DGKD: variants seen among roughly 807,000 people sequenced by gnomAD.
DGKD encodes diacylglycerol kinase delta.
DGKD carries 68 observed loss-of-function variants against 154.4 expected under a neutral mutation model. The observed-to-expected ratio is 0.44, with a 90% CI of 0.36 to 0.54. DGKD has a LOEUF of 0.54. Among genes scored for constraint, DGKD ranks in the 20% least tolerant of loss-of-function variants. DGKD has a pLI of 0.00. For missense variants in DGKD, 1,343 were observed against 1,593.6 expected, an observed-to-expected ratio of 0.84 and a Z score of 2.68; for synonymous variants, 693 against 638.0, an observed-to-expected ratio of 1.09 and a Z score of -1.30.
At chr2:233,371,645 C>T (rs577869183) in intron 1 of DGKD, among the ~76,000 whole-genome samples, 5 of 152,274 alleles carry the variant, frequency 3.3e-5, no homozygotes, top group East Asian at 1.9e-4. Context: ...TGTTCTTCCA[C>T]GAGTTTTGTA....
At position 233,354,942 on chromosome 2, in the gene DGKD, G is replaced by A. The variant is rs892572516; in HGVS notation, c.156+268G>A. Among the ~76,000 whole-genome samples the A allele has an allele frequency of 1.1e-4, 16 of 148,114 alleles. No individual in the cohort carries two copies. Among genetic ancestry groups the A allele is most frequent in the African/African-American group, 3.9e-4 (16 of 40,808 alleles). On this transcript the variant is annotated intron_variant, in intron 1 of 29. Coordinates refer to ENST00000264057, the MANE Select transcript of DGKD (RefSeq NM_152879.3). The surrounding 1 kb of genome is among the most constrained non-coding windows in gnomAD (Gnocchi z 4.8). ...CGCCCCGGGCGCCGCGCGCTGGGCGGGGGGCGCGCGCCGAGTTGGGCCGCG... is the reference window on the plus strand; with the variant it reads ...CGCCCCGGGCGCCGCGCGCTGGGCGAGGGGCGCGCGCCGAGTTGGGCCGCG...
At chr2:233,426,511 A>G (rs1321023133) in intron 3 of DGKD, among the ~76,000 whole-genome samples, 2 of 152,074 alleles carry the variant, frequency 1.3e-5, no homozygotes. Flanking sequence ...CTAATACCAT[A>G]GATTAGTTAT....
chr2:233,450,047 G>A lies in DGKD; in HGVS notation c.1954G>A (p.Glu652Lys), dbSNP rs763053042. The change falls in exon 16 of 30, where the codon GAG becomes AAG. Residue 652 changes from glutamate to lysine, a missense_variant. By Grantham distance (56) the Glu-to-Lys change is moderately conservative. Around this residue, in one of 6 missense-constraint regions of DGKD, gnomAD observed 409 missense variants for 446.0 expected, o/e 0.92. Coordinates refer to ENST00000264057, the MANE Select transcript of DGKD (RefSeq NM_152879.3). ...CTTCGTCCTGGGCCTCTCTGAGTCA[G>A]AGGAGAAGATGGACCACAGAGTGTG... is the stretch of plus-strand genomic sequence containing the variant. ...EGFVLGLSES[E>K]EKMDHRVCPP... 13 of 1,610,696 alleles carry A rather than the reference G, an allele frequency of 8.1e-6. No homozygotes were observed. The South Asian group carries it at 8.8e-5, about 11-fold the overall frequency.
rs1284657081 is a variant in DGKD at position 233,445,495 on chromosome 2, G to A, written c.1195-128G>A. ...GCTCTGCCTGTAATGTGTAAGCTGC[G>A]TGGTTTTAGGTCACGTCCCCACATT... On this transcript the variant is annotated intron_variant, in intron 10 of 29. Coordinates refer to ENST00000264057, the MANE Select transcript of DGKD (RefSeq NM_152879.3). This position sits in a 1 kb window ranked among gnomAD's most constrained non-coding sequence, Gnocchi z 5.5. 1.3e-5 allele frequency: 17 copies of A among 1,309,238 alleles called. No individual in the cohort carries two copies. Among genetic ancestry groups the A allele is most frequent in the Non-Finnish European group, 1.6e-5 (16 of 975,360 alleles). The allele number at this position is 1,309,238 out of a possible 1,614,324, so 81.1% of individuals were successfully genotyped here.
At chr2:233,384,871 C>T (rs962626462) in intron 1 of DGKD, among the ~76,000 whole-genome samples, 25 of 152,138 alleles carry the variant, frequency 1.6e-4, no homozygotes, top group African/African-American at 5.3e-4. Flanking sequence ...GCTTGCCCAG[C>T]CCCTCCTCCC....
At chr2:233,387,396 G>A (rs79298744) in intron 1 of DGKD, among the ~76,000 whole-genome samples, 2 of 152,156 alleles carry the variant, frequency 1.3e-5, no homozygotes, top group African/African-American at 4.8e-5. Context: ...TGCGAACGCC[G>A]AGAGCCAGGT....
intron 3 of DGKD, among the ~76,000 whole-genome samples, chr2:233,392,772 AC>A (rs1304334477): frequency 6.6e-6 from 1 of 152,154 alleles, no homozygotes; most frequent in African/African-American, 2.4e-5. Flanking sequence ...CATTTTTTGA[AC>A]CTTTTCACTT....
At chr2:233,370,167 A>G (rs1702238781) in intron 1 of DGKD, among the ~76,000 whole-genome samples, 1 of 151,930 alleles carries the variant, frequency 6.6e-6, no homozygotes, top group Admixed American at 6.6e-5. Context: ...GACAACCACT[A>G]ATCTGCTTTC....
Position 233,442,038 on chromosome 2 carries a change from C to T in DGKD, c.1194+43C>T, listed in dbSNP as rs368483390. Reference sequence around the variant, plus strand: ...AGCCCAGCCAGGAGCAGAGAGGGTGCGGAGGTTAGAGGGAAATCATGCAGT... The same window carrying T: ...AGCCCAGCCAGGAGCAGAGAGGGTGTGGAGGTTAGAGGGAAATCATGCAGT... On this transcript the variant is annotated intron_variant, in intron 10 of 29. Transcript: ENST00000264057. The T allele has an allele frequency of 1.0e-4, 154 of 1,542,744 alleles. No individual in the cohort carries two copies. In the African/African-American group the frequency reaches 1.8e-3, roughly 18 times the overall value.
intron 3 of DGKD, among the ~76,000 whole-genome samples, chr2:233,393,765 C>T (rs1703808057): frequency 6.7e-6 from 1 of 149,244 alleles, no homozygotes; most frequent in Non-Finnish European, 1.5e-5. Flanking sequence ...CTCTCTGCAG[C>T]CTCCGCCTCC....
chr2:233,426,873 A>C (rs1489547739), intron 3 of DGKD, among the ~76,000 whole-genome samples: 1 of 152,212 alleles, frequency 6.6e-6, no homozygotes, highest in Non-Finnish European at 1.5e-5. Flanking sequence ...ATTGTGAGAG[A>C]TGCATCACCC....
chr2:233,448,436 C>A, intron 14 of DGKD, 61 bp downstream of exon 14: 1 of 1,484,940 alleles, frequency 6.7e-7, no homozygotes, highest in Non-Finnish European at 9.3e-7. Flanking sequence ...GCTCTGTCAC[C>A]AGCAGAGGGC....
At chr2:233,429,915 C>T (rs895839311) in intron 3 of DGKD, among the ~76,000 whole-genome samples, 2 of 152,218 alleles carry the variant, frequency 1.3e-5, no homozygotes, top group Non-Finnish European at 1.5e-5. Flanking sequence ...ATCCCCTCTG[C>T]GGTGAAACTT....
At chr2:233,469,250 A>T in intron 29 of DGKD, 121 bp from the exon 30 acceptor site, 1 of 790,838 alleles carries the variant, frequency 1.3e-6, no homozygotes, top group Admixed American at 2.4e-5. Flanking sequence ...CGTTTTTGTC[A>T]TTTTGGCTCT....
intron 10 of DGKD, chr2:233,442,207 A>C: frequency 1.5e-6 from 1 of 677,446 alleles, no homozygotes; most frequent in Non-Finnish European, 2.7e-6. Context: ...GGCTCTGGCC[A>C]TGATGTATGA....
intron 3 of DGKD, among the ~76,000 whole-genome samples, chr2:233,402,153 T>C (rs2061577103): frequency 6.6e-6 from 1 of 152,082 alleles, no homozygotes; most frequent in African/African-American, 2.4e-5. Flanking sequence ...GTCCGTTTCC[T>C]CCTCAGGGAA....
At chr2:233,417,641 A>G (rs1281660052) in intron 3 of DGKD, among the ~76,000 whole-genome samples, 2 of 152,354 alleles carry the variant, frequency 1.3e-5, no homozygotes, top group Non-Finnish European at 2.9e-5. Context: ...AATAACATGT[A>G]TCATTATAGA....
intron 3 of DGKD, chr2:233,419,127 C>A: frequency 1.5e-6 from 1 of 655,868 alleles, no homozygotes; most frequent in Non-Finnish European, 1.9e-6. Context: ...AGAAATGACC[C>A]AGGGCGCCAG....
chr2:233,424,472 G>A (rs958355193), intron 3 of DGKD, among the ~76,000 whole-genome samples: 32 of 152,222 alleles, frequency 2.1e-4, no homozygotes, highest in African/African-American at 7.2e-4. Flanking sequence ...TGAGATGTTG[G>A]TATCGTCCTT....
Sources: allele counts gnomAD v4.1 joint callset (sites outside exome capture counted in the v4.1 genomes callset), GRCh38; gene constraint gnomAD v4.1.1; regional missense constraint gnomAD v4.1.1; non-coding constraint Gnocchi (gnomAD v3.1); transcripts MANE v1.5; gene names NCBI Gene and HGNC (gene_info 2026-07-23, HGNC 2026-07-21).